The following MAP4 variants were observed in gnomAD, a reference collection of about 807,000 sequenced individuals.
MAP4 encodes the protein microtubule associated protein 4.
MAP4 carries 76 observed loss-of-function variants against 170.2 expected under a neutral mutation model. The ratio of observed to expected loss-of-function variants is 0.45; its 90% CI spans 0.37 to 0.54. The LOEUF is 0.54. Among genes scored for constraint, MAP4 ranks in the 20% least tolerant of loss-of-function variants. The probability of loss-of-function intolerance (pLI) is 0.00; values close to 1 mark genes in which losing one functional copy is unlikely to be tolerated. For missense variants in MAP4, 2,506 were observed against 2,748.0 expected (o/e 0.91, Z 1.97); for synonymous variants, 909 against 994.5 (o/e 0.91, Z 1.62).
chr3:47,852,998 G>C lies in MAP4; in HGVS notation c.6887-60C>G, dbSNP rs200324776. ...AACAGGGGAGACAAGAGGGGAACAC[G>C]GGGGAGACGGAAGACGAGACCAGAA... is the stretch of plus-strand genomic sequence containing the variant. On this transcript the variant is annotated intron_variant, in intron 20 of 20. Transcript: ENST00000683076. 707 of 1,614,184 alleles carry C rather than the reference G, an allele frequency of 4.4e-4. 12 individuals carry two copies. The East Asian group carries it at 0.012, about 28-fold the overall frequency.
At chr3:47,863,930 G>GTT in intron 17 of MAP4, among the ~76,000 whole-genome samples, 2 of 136,294 alleles carry the variant, frequency 1.5e-5, no homozygotes, top group Admixed American at 7.1e-5. Context: ...GGGTGTGTGT[G>GTT]TGTGTGTGGG....
intron 3 of MAP4, among the ~76,000 whole-genome samples, chr3:47,942,577 G>A (rs2100057191): frequency 6.6e-6 from 1 of 151,886 alleles, no homozygotes; most frequent in African/African-American, 2.4e-5. Flanking sequence ...CACTGTTTTT[G>A]TTTTTTGTTT....
intron 1 of MAP4, among the ~76,000 whole-genome samples, chr3:48,044,790 AAAAT>A (rs1453439515): frequency 6.6e-6 from 1 of 151,940 alleles, no homozygotes; most frequent in African/African-American, 2.4e-5. Flanking sequence ...TTTAAAAAAT[AAAAT>A]AAATATTACC....
rs1327722988 is a variant in MAP4, at chr3:47,876,753, TTC to T, written c.5541+662_5541+663del. 5.9e-5 allele frequency among the ~76,000 whole-genome samples: 9 copies of T among 152,314 alleles called. No homozygotes were observed. The East Asian group carries it at 1.5e-3, about 26-fold the overall frequency. ...ATATGATCCACCTTCAAAATCTGCA[TTC>T]TCTTTTCATGAATGGATATTTCAGA... On this transcript the variant is annotated intron_variant, in intron 11 of 20. Transcript: ENST00000683076.
At chr3:48,059,568 T>C (rs2100134069) in intron 1 of MAP4, among the ~76,000 whole-genome samples, 1 of 123,008 alleles carries the variant, frequency 8.1e-6, no homozygotes. Context: ...AACATTACAA[T>C]AATGGCAAGC....
intron 1 of MAP4, among the ~76,000 whole-genome samples, chr3:48,050,729 A>G (rs2100127293): frequency 5.3e-5 from 8 of 151,900 alleles, no homozygotes; most frequent in Admixed American, 5.3e-4. Context: ...AACATGGTGA[A>G]ATCCATCTCT....
chr3:47,947,567 C>G (rs1382723719), intron 3 of MAP4, among the ~76,000 whole-genome samples: 1 of 152,074 alleles, frequency 6.6e-6, no homozygotes, highest in Non-Finnish European at 1.5e-5. Flanking sequence ...AATCCCACCA[C>G]TTTGGGAGGC....
At chr3:47,948,581 C>A (rs1476073853) in intron 3 of MAP4, among the ~76,000 whole-genome samples, 1 of 151,762 alleles carries the variant, frequency 6.6e-6, no homozygotes, top group Non-Finnish European at 1.5e-5. Flanking sequence ...AAACACATAC[C>A]AAGTCATCAG....
At chr3:47,963,032 C>G (rs2100072619) in intron 3 of MAP4, among the ~76,000 whole-genome samples, 1 of 152,146 alleles carries the variant, frequency 6.6e-6, no homozygotes, top group South Asian at 2.1e-4. Flanking sequence ...AGTGAGAGTC[C>G]TAAGTTAATT....
At chr3:47,908,452 T>G (rs1370644185) in intron 9 of MAP4, among the ~76,000 whole-genome samples, 3 of 152,202 alleles carry the variant, frequency 2.0e-5, no homozygotes, top group African/African-American at 7.2e-5. Flanking sequence ...ATCTGTATCA[T>G]TGAGAGATCA....
chr3:47,939,274 C>CT (rs891186615), intron 3 of MAP4, among the ~76,000 whole-genome samples: 1 of 152,070 alleles, frequency 6.6e-6, no homozygotes, highest in African/African-American at 2.4e-5. Flanking sequence ...TCCTGTTAGT[C>CT]TTTTTTTAAA....
intron 12 of MAP4, among the ~76,000 whole-genome samples, chr3:47,874,810 C>T (rs890594695): frequency 2.0e-5 from 3 of 152,240 alleles, no homozygotes; most frequent in Non-Finnish European, 4.4e-5. Context: ...TCAGCCTAGA[C>T]TTCAACTCCT....
chr3:48,029,964 G>C (rs1337440181), intron 1 of MAP4, among the ~76,000 whole-genome samples: 1 of 147,952 alleles, frequency 6.8e-6, no homozygotes, highest in Non-Finnish European at 1.5e-5. Context: ...CTACTGCACA[G>C]AGCAACTGAG....
At chr3:48,077,201 G>GGGAGGC (rs2100144372) in intron 1 of MAP4, among the ~76,000 whole-genome samples, 1 of 152,080 alleles carries the variant, frequency 6.6e-6, no homozygotes, top group Admixed American at 6.6e-5. Flanking sequence ...CCAGCACTTT[G>GGGAGGC]GGAGGCGGAG....
At chr3:47,986,474 G>A (rs144518477) in intron 2 of MAP4, among the ~76,000 whole-genome samples, 6,590 of 152,016 alleles carry the variant, frequency 0.043, 220 homozygotes, top group Non-Finnish European at 0.067. Context: ...CTGAGCAGCC[G>A]GGATTACAGG....
intron 2 of MAP4, among the ~76,000 whole-genome samples, chr3:47,985,188 G>C (rs1031278443): frequency 8.5e-5 from 13 of 152,112 alleles, no homozygotes; most frequent in African/African-American, 2.9e-4. Context: ...GCTGAGGCAG[G>C]AGGATCACCT....
At chr3:48,011,720 A>G (rs945553207) in intron 1 of MAP4, among the ~76,000 whole-genome samples, 1 of 152,178 alleles carries the variant, frequency 6.6e-6, no homozygotes, top group Non-Finnish European at 1.5e-5. Context: ...AAATGAGTTC[A>G]TTAAAGAGCT....
intron 1 of MAP4, among the ~76,000 whole-genome samples, chr3:48,050,060 G>C (rs2100126817): frequency 6.6e-6 from 1 of 151,834 alleles, no homozygotes; most frequent in Non-Finnish European, 1.5e-5. Flanking sequence ...AAGAGTTTGA[G>C]ACCAGCCTGG....
chr3:48,069,086 C>T (rs1307389725), intron 1 of MAP4, among the ~76,000 whole-genome samples: 1 of 152,150 alleles, frequency 6.6e-6, no homozygotes, highest in Admixed American at 6.5e-5. Context: ...GACTCAGCTA[C>T]AACTTAGTAA....
Sources: gnomAD v4.1 joint callset for allele counts (sites outside exome capture counted in the v4.1 genomes callset) on GRCh38, gnomAD v4.1.1 for gene constraint, MANE v1.5 for transcripts, NCBI Gene and HGNC (gene_info 2026-07-23, HGNC 2026-07-21) for gene names.